Variants in ZMAT4 observed in about 807,000 individuals in gnomAD.
The protein encoded by ZMAT4 is zinc finger matrin-type protein 4.
ZMAT4 carries 17 observed loss-of-function variants against 28.7 expected under a neutral mutation model. That is an observed-to-expected ratio of 0.59 (90% CI 0.41 to 0.89). ZMAT4 has a LOEUF of 0.89. ZMAT4 is among the 40% of genes least tolerant of loss of function. The probability of loss-of-function intolerance (pLI) is 0.00; values close to 1 mark genes in which losing one functional copy is unlikely to be tolerated. For synonymous variants in ZMAT4, 117 were observed against 109.2 expected, an observed-to-expected ratio of 1.07 and a Z score of -0.44; for missense variants, 240 against 283.8, an observed-to-expected ratio of 0.85 and a Z score of 1.11.
At chr8:40,681,241 TAAAC>T (rs1157437029) in intron 4 of ZMAT4, among the ~76,000 whole-genome samples, 3 of 152,268 alleles carry the variant, frequency 2.0e-5, no homozygotes, top group Admixed American at 1.3e-4. Context: ...ATAGGCCAAA[TAAAC>T]AAACAGATTA....
intron 5 of ZMAT4, among the ~76,000 whole-genome samples, chr8:40,651,780 T>C (rs1807669186): frequency 1.4e-5 from 2 of 144,490 alleles, no homozygotes; most frequent in African/African-American, 5.1e-5. Flanking sequence ...TAACGCCGCA[T>C]ATCTACAACT....
chr8:40,763,224 C>T lies in ZMAT4; in HGVS notation c.192+4417G>A, dbSNP rs930741321. Reference sequence around the variant, plus strand: ...TCTGTGTTGGGGAAGGTGTCCATGTCCCCCAGCGCTTTGCAGATGCTCGTT... The same window carrying T: ...TCTGTGTTGGGGAAGGTGTCCATGTTCCCCAGCGCTTTGCAGATGCTCGTT... On this transcript the variant is annotated intron_variant, in intron 3 of 6. Transcript: ENST00000297737. Among the ~76,000 whole-genome samples the T allele has an allele frequency of 2.0e-5, 3 of 152,136 alleles. No individual in the cohort carries two copies. In the East Asian group the frequency reaches 5.8e-4, roughly 29 times the overall value.
intron 1 of ZMAT4, among the ~76,000 whole-genome samples, chr8:40,877,194 A>G (rs111319165): frequency 0.019 from 2,965 of 152,310 alleles, 86 homozygotes; most frequent in Admixed American, 0.084. Flanking sequence ...AACAGTGGTC[A>G]GGGGCAGATC....
chr8:40,709,942 G>A (rs1810527440), intron 3 of ZMAT4, among the ~76,000 whole-genome samples: 1 of 151,784 alleles, frequency 6.6e-6, no homozygotes, highest in African/African-American at 2.4e-5. Context: ...GAAGGCTGAG[G>A]CAGGAGAATC....
At chr8:40,825,985 A>T (rs872055) in intron 1 of ZMAT4, among the ~76,000 whole-genome samples, 39,874 of 152,162 alleles carry the variant, frequency 0.26, 6,147 homozygotes, top group Middle Eastern at 0.4. Flanking sequence ...AGGGCAGGGC[A>T]CCGTGGCTCA....
At chr8:40,617,616 T>C (rs1806056600) in intron 5 of ZMAT4, among the ~76,000 whole-genome samples, 1 of 152,236 alleles carries the variant, frequency 6.6e-6, no homozygotes, top group Admixed American at 6.5e-5. Context: ...CAGTTGAATA[T>C]TCTTTGAGCA....
At chr8:40,541,617 C>A (rs546994262) in intron 6 of ZMAT4, among the ~76,000 whole-genome samples, 87 of 152,282 alleles carry the variant, frequency 5.7e-4, no homozygotes, top group African/African-American at 1.9e-3. Flanking sequence ...CACCACGGAA[C>A]ATTCCACTGG....
intron 4 of ZMAT4, among the ~76,000 whole-genome samples, chr8:40,679,684 C>T (rs1008775536): frequency 1.3e-5 from 2 of 152,168 alleles, no homozygotes; most frequent in Admixed American, 6.5e-5. Flanking sequence ...ATTATGAGAA[C>T]TACAATTCAA....
chr8:40,653,011 C>T (rs1360077354), intron 5 of ZMAT4, among the ~76,000 whole-genome samples: 1 of 151,630 alleles, frequency 6.6e-6, no homozygotes, highest in Non-Finnish European at 1.5e-5. Flanking sequence ...TGCAGTGCAC[C>T]AGCATGGCAC....
At chr8:40,799,684 T>C (rs1315801488) in intron 2 of ZMAT4, among the ~76,000 whole-genome samples, 1 of 152,342 alleles carries the variant, frequency 6.6e-6, no homozygotes, top group East Asian at 1.9e-4. Context: ...ATTTTTTTTC[T>C]AATTGATCTA....
intron 6 of ZMAT4, among the ~76,000 whole-genome samples, chr8:40,553,437 G>T (rs550934628): frequency 5.9e-5 from 9 of 152,250 alleles, no homozygotes; most frequent in Non-Finnish European, 1.2e-4. Flanking sequence ...CTGCATTTCA[G>T]CTAGCTTCTG....
chr8:40,554,325 A>T lies in ZMAT4; in HGVS notation c.675-22087T>A, dbSNP rs117416701. Among the ~76,000 whole-genome samples, 378 of 152,240 alleles carry T rather than the reference A, an allele frequency of 2.5e-3. 1 individual carries two copies. Among genetic ancestry groups the T allele is most frequent in the Non-Finnish European group, 3.8e-3 (260 of 67,994 alleles). On this transcript the variant is annotated intron_variant, in intron 6 of 6. Coordinates refer to ENST00000297737, the MANE Select transcript of ZMAT4 (RefSeq NM_024645.3). ...CTACAAACCAACCATTGTTTTTTTAAGACAAACAAAAATTAACTAAAGAGT... is the reference window on the plus strand; with the variant it reads ...CTACAAACCAACCATTGTTTTTTTATGACAAACAAAAATTAACTAAAGAGT...
intron 3 of ZMAT4, among the ~76,000 whole-genome samples, chr8:40,742,778 C>CAA (rs1812066829): frequency 8.6e-6 from 1 of 116,166 alleles, no homozygotes; most frequent in Non-Finnish European, 1.9e-5. Flanking sequence ...CACACACACA[C>CAA]ACACACACAC....
chr8:40,621,629 G>A (rs1198472269), intron 5 of ZMAT4, among the ~76,000 whole-genome samples: 1 of 152,168 alleles, frequency 6.6e-6, no homozygotes, highest in African/African-American at 2.4e-5. Context: ...TTAAGCTAAC[G>A]GCACTGACTC....
intron 5 of ZMAT4, among the ~76,000 whole-genome samples, chr8:40,627,606 C>A (rs1210776534): frequency 6.6e-6 from 1 of 152,132 alleles, no homozygotes; most frequent in East Asian, 1.9e-4. Flanking sequence ...AATTTTTCAA[C>A]CATGTATAAG....
intron 2 of ZMAT4, among the ~76,000 whole-genome samples, chr8:40,806,125 C>T (rs976153048): frequency 2.0e-5 from 3 of 152,052 alleles, no homozygotes; most frequent in Non-Finnish European, 2.9e-5. Context: ...AAAACCAAAA[C>T]GGTAAAGGTC....
intron 5 of ZMAT4, among the ~76,000 whole-genome samples, chr8:40,620,108 G>T (rs1806143554): frequency 6.6e-6 from 1 of 152,264 alleles, no homozygotes; most frequent in East Asian, 1.9e-4. Context: ...GCCGTGTAGG[G>T]TTCTCAGAGA....
At chr8:40,654,012 C>T (rs1481103560) in intron 5 of ZMAT4, among the ~76,000 whole-genome samples, 2 of 152,118 alleles carry the variant, frequency 1.3e-5, no homozygotes, top group Admixed American at 1.3e-4. Context: ...ACAAAATCCA[C>T]CAGAACCAAA....
chr8:40,572,576 A>C (rs1032909567), intron 6 of ZMAT4, among the ~76,000 whole-genome samples: 1 of 152,180 alleles, frequency 6.6e-6, no homozygotes, highest in Non-Finnish European at 1.5e-5. Context: ...AAGTATATTA[A>C]TGGGGAATTG....
Sources: gnomAD v4.1 joint callset for allele counts (sites outside exome capture counted in the v4.1 genomes callset) on GRCh38, gnomAD v4.1.1 for gene constraint, MANE v1.5 for transcripts, NCBI Gene and HGNC (gene_info 2026-07-23, HGNC 2026-07-21) for gene names.